Variants in ALG8 observed in about 807,000 individuals in gnomAD.
ALG8 encodes dolichyl pyrophosphate Glc1Man9GlcNAc2 alpha-1,3-glucosyltransferase.
ALG8 carries 48 observed loss-of-function variants against 70.2 expected under a neutral mutation model. That is an observed-to-expected ratio of 0.68 (90% CI 0.54 to 0.87). The LOEUF (loss-of-function observed/expected upper bound fraction) is 0.87. Ranked by LOEUF, ALG8 falls within the 40% of genes least tolerant of loss-of-function variation. ALG8 has a pLI of 0.00. For synonymous variants in ALG8, 234 were observed against 229.0 expected, an observed-to-expected ratio of 1.02 and a Z score of -0.20; for missense variants, 572 against 608.7, an observed-to-expected ratio of 0.94 and a Z score of 0.64.
chr11:78,103,813 G>A (rs994418790), intron 12 of ALG8, among the ~76,000 whole-genome samples, 167 bp downstream of exon 12: 10 of 152,054 alleles, frequency 6.6e-5, no homozygotes, highest in African/African-American at 2.4e-4. Context: ...ATGTTGTCTC[G>A]ACTGAGTGAT....
rs479415 is a variant in ALG8, at chr11:78,109,716, A to G, written c.899-135T>C. On this transcript the variant is annotated intron_variant, in intron 8 of 12. Transcript: ENST00000299626. ...CTGCTTAAAGGCTAAGATTTCATGA[A>G]TTTAATCCTATACTATTCTACCCAA... is the stretch of plus-strand genomic sequence containing the variant. The G allele has an allele frequency of 2.3e-6, 2 of 887,590 alleles. 1 individual carries two copies. Among genetic ancestry groups the G allele is most frequent in the Admixed American group, 4.2e-5 (2 of 47,230 alleles). The allele number at this position is 887,590 out of a possible 1,614,324, so 55.0% of individuals were successfully genotyped here.
chr11:78,105,363 T>C (rs1859971754), intron 10 of ALG8, among the ~76,000 whole-genome samples: 2 of 152,224 alleles, frequency 1.3e-5, no homozygotes, highest in Admixed American at 6.5e-5. Context: ...ACTGGACACT[T>C]ACATTTAAAA....
At chr11:78,103,120 G>A (rs1388302933) in intron 12 of ALG8, among the ~76,000 whole-genome samples, 2 of 151,958 alleles carry the variant, frequency 1.3e-5, no homozygotes, top group Non-Finnish European at 2.9e-5. Flanking sequence ...GAGGTTGGGA[G>A]TTCAAGACCA....
chr11:78,110,681 C>T (rs756487420), intron 8 of ALG8, among the ~76,000 whole-genome samples: 1 of 152,184 alleles, frequency 6.6e-6, no homozygotes, highest in Non-Finnish European at 1.5e-5. Context: ...CAAGCCCCAA[C>T]AAGCTCTGGC....
At chr11:78,106,491 C>A (rs1860038220) in intron 10 of ALG8, among the ~76,000 whole-genome samples, 1 of 152,210 alleles carries the variant, frequency 6.6e-6, no homozygotes, top group African/African-American at 2.4e-5. Flanking sequence ...GCTACCGCGC[C>A]CGGCCAGCCC....
intron 1 of ALG8, among the ~76,000 whole-genome samples, chr11:78,137,022 C>A (rs1861586300): frequency 6.6e-6 from 1 of 152,146 alleles, no homozygotes. Flanking sequence ...CTGCCTCAGC[C>A]TCCCAAGTAC....
At chr11:78,136,686 T>G (rs941933076) in intron 1 of ALG8, among the ~76,000 whole-genome samples, 1 of 152,194 alleles carries the variant, frequency 6.6e-6, no homozygotes, top group Non-Finnish European at 1.5e-5. Flanking sequence ...TTAAGGGCCA[T>G]TGGATTTTTA....
chr11:78,109,330 G>T, intron 9 of ALG8, 112 bp downstream of exon 9: 1 of 1,397,100 alleles, frequency 7.2e-7, no homozygotes, highest in Non-Finnish European at 1.0e-6. Flanking sequence ...AAGGATTACA[G>T]GCATGAAATT....
intron 8 of ALG8, among the ~76,000 whole-genome samples, chr11:78,111,628 A>G (rs1021520424): frequency 6.7e-6 from 1 of 150,026 alleles, no homozygotes; most frequent in Non-Finnish European, 1.5e-5. Context: ...ATACACAAAT[A>G]CAGACACAGA....
At position 78,132,071 on chromosome 11, in the gene ALG8, CCT is replaced by C. The variant is rs1233341491; in HGVS notation, c.96-4637_96-4636del. ...TGTCTTACTCTACATTCACCTTTTC[CCT>C]CTGCCTGCAACACTCTGTGTGAGGT... On this transcript the variant is annotated intron_variant, in intron 1 of 12. Transcript: ENST00000299626. Among the ~76,000 whole-genome samples the C allele has an allele frequency of 1.1e-4, 16 of 152,248 alleles. No individual in the cohort carries two copies. In the East Asian group the frequency reaches 3.1e-3, roughly 29 times the overall value.
chr11:78,138,283 A>G (rs1861631733), intron 1 of ALG8, among the ~76,000 whole-genome samples: 1 of 148,958 alleles, frequency 6.7e-6, no homozygotes, highest in African/African-American at 2.5e-5. Context: ...CGGGAGGCAG[A>G]GGTTGCAGTA....
At position 78,112,464 on chromosome 11, in the gene ALG8, A is replaced by G; in HGVS notation, c.898+186T>C. ...CACAAGGAGCTTTTATAAGGAAAAC[A>G]GTCTGTTTACTGCACTAAAGCCTCA... is the stretch of plus-strand genomic sequence containing the variant. On this transcript the variant is annotated intron_variant, in intron 8 of 12. Transcript: ENST00000299626. The G allele has an allele frequency of 4.2e-6, 3 of 714,484 alleles. No individual in the cohort carries two copies. The Admixed American group carries it at 7.8e-5, about 19-fold the overall frequency. 44.3% of individuals were successfully genotyped at this position (714,484 alleles called of 1,614,324 possible). A position where few individuals can be genotyped will look rare whatever the true frequency, so the allele number is the denominator to read the frequency against.
intron 5 of ALG8, among the ~76,000 whole-genome samples, chr11:78,117,117 G>C (rs1860609421): frequency 6.6e-6 from 1 of 152,142 alleles, no homozygotes; most frequent in Non-Finnish European, 1.5e-5. Context: ...TATCAAATTT[G>C]ATCTTTCCAA....
intron 2 of ALG8, among the ~76,000 whole-genome samples, chr11:78,125,469 A>T (rs553964001): frequency 8.6e-4 from 130 of 151,628 alleles, no homozygotes; most frequent in African/African-American, 3.0e-3. Flanking sequence ...AATTTGCCTT[A>T]AAAAAAACTC....
At chr11:78,112,558 C>G (rs1253468500) in intron 8 of ALG8, 92 bp downstream of exon 8, 15 of 1,571,238 alleles carry the variant, frequency 9.5e-6, no homozygotes, top group Non-Finnish European at 1.3e-5. Flanking sequence ...AACAATTCAG[C>G]CACATTCAAA....
At chr11:78,110,931 G>A (rs1038827058) in intron 8 of ALG8, among the ~76,000 whole-genome samples, 1 of 152,114 alleles carries the variant, frequency 6.6e-6, no homozygotes, top group Non-Finnish European at 1.5e-5. Context: ...TACAAGTGAG[G>A]GTACAGTACA....
intron 1 of ALG8, among the ~76,000 whole-genome samples, chr11:78,127,933 C>G (rs1308174800): frequency 6.6e-6 from 1 of 152,086 alleles, no homozygotes; most frequent in Non-Finnish European, 1.5e-5. Flanking sequence ...AACTCCTGAC[C>G]TCAGGTGATC....
At chr11:78,138,980 T>C in intron 1 of ALG8, 1 of 345,058 alleles carries the variant, frequency 2.9e-6, no homozygotes, top group East Asian at 7.7e-5. Context: ...ACATCACTTA[T>C]TCTTTTTCAT....
chr11:78,116,606 C>T (rs641561), intron 5 of ALG8, among the ~76,000 whole-genome samples: 21,926 of 151,730 alleles, frequency 0.14, 1,709 homozygotes, highest in East Asian at 0.29. Context: ...GTGGTCCCAG[C>T]TAACTGGAGG....
Sources: allele counts gnomAD v4.1 joint callset (sites outside exome capture counted in the v4.1 genomes callset), GRCh38; gene constraint gnomAD v4.1.1; transcripts MANE v1.5; gene names NCBI Gene and HGNC (gene_info 2026-07-23, HGNC 2026-07-21).